Variants in DHX38 observed in about 807,000 individuals in gnomAD.
DHX38 encodes pre-mRNA-splicing factor ATP-dependent RNA helicase PRP16.
A neutral mutation model predicts 153.1 loss-of-function variants in DHX38; 100 were observed. That is an observed-to-expected ratio of 0.65 (90% CI 0.56 to 0.77). The LOEUF is 0.77. DHX38 is among the 30% of genes least tolerant of loss of function. The probability of loss-of-function intolerance (pLI) is 0.00; values close to 1 mark genes in which losing one functional copy is unlikely to be tolerated. For synonymous variants in DHX38, 650 were observed against 631.7 expected (o/e 1.03, Z -0.43); for missense variants, 1,440 against 1,654.0 (o/e 0.87, Z 2.24).
chr16:72,108,075 A>G, intron 21 of DHX38, 152 bp from the exon 22 acceptor site: 1 of 1,000,200 alleles, frequency 1.0e-6, no homozygotes. Flanking sequence ...CTTTTTAAAA[A>G]TTATTTTAAT....
In DHX38 at chr16:72,096,488, C is replaced by T. The variant is rs761003476; in HGVS notation, c.323+8C>T. On this transcript the variant is annotated splice_region_variant and intron_variant, in intron 2 of 26. Transcript: ENST00000268482. Reference sequence around the variant, plus strand: ...AAATATCCGGAAAGACAGGTAAAGGCCTTAGTATGGGTTAGCCCAGAGGGA... The same window carrying T: ...AAATATCCGGAAAGACAGGTAAAGGTCTTAGTATGGGTTAGCCCAGAGGGA... 7 of 1,607,970 alleles carry T rather than the reference C, an allele frequency of 4.4e-6. No homozygotes were observed. Among genetic ancestry groups the T allele is most frequent in the Non-Finnish European group, 5.9e-6 (7 of 1,177,422 alleles).
At chr16:72,105,392 A>G (rs1233126673) in intron 17 of DHX38, 44 bp downstream of exon 17, 1 of 1,607,444 alleles carries the variant, frequency 6.2e-7, no homozygotes, top group African/African-American at 1.3e-5. Context: ...GGAGTTCTCT[A>G]AAGGAAGCGA....
chr16:72,095,169 T>G (rs1220003170), intron 1 of DHX38, among the ~76,000 whole-genome samples: 1 of 152,260 alleles, frequency 6.6e-6, no homozygotes, highest in Non-Finnish European at 1.5e-5. Flanking sequence ...CATCCAGAAC[T>G]GATATATGTT....
intron 26 of DHX38, among the ~76,000 whole-genome samples, chr16:72,111,974 A>C (rs960046043): frequency 6.6e-6 from 1 of 152,182 alleles, no homozygotes; most frequent in African/African-American, 2.4e-5. Context: ...CAAGGGGTTC[A>C]CCAAGAGTCA....
In DHX38 at chr16:72,109,281, G is replaced by GT; in HGVS notation, c.3382-129dup. On this transcript the variant is annotated intron_variant, in intron 24 of 26. Coordinates refer to ENST00000268482, the MANE Select transcript of DHX38 (RefSeq NM_014003.4). ...AGGAGTTTGGATGGGAGTATCTGGG[G>GT]TTTTTCCTTTCCTTTTTTCAGCCTT... The GT allele has an allele frequency of 7.9e-6, 8 of 1,013,138 alleles. No individual in the cohort carries two copies. In the South Asian group the frequency reaches 1.2e-4, roughly 16 times the overall value. 62.8% of individuals were successfully genotyped at this position (1,013,138 alleles called of 1,614,324 possible).
rs972681537 is a variant in DHX38 at position 72,096,938 on chromosome 16, C to T, written c.440C>T (p.Ser147Leu). The T allele has an allele frequency of 6.2e-6, 10 of 1,613,852 alleles. No homozygotes were observed. Among genetic ancestry groups the T allele is most frequent in the South Asian group, 3.3e-5 (3 of 91,072 alleles). Reference sequence around the variant, plus strand: ...CGGCGGGAACATGGTGTCTATGCCTCGTCCAAAGAAGAAAAGGATTGGAAG... The same window carrying T: ...CGGCGGGAACATGGTGTCTATGCCTTGTCCAAAGAAGAAAAGGATTGGAAG... Reference protein sequence around the residue: ...RERREHGVYASSKEEKDWKKE... With the variant: ...RERREHGVYALSKEEKDWKKE... The change falls in exon 3 of 27, where the codon TCG becomes TTG. Residue 147 changes from serine (S) to leucine (L), a missense_variant. Ser to Leu is a moderately radical substitution (Grantham distance 145, BLOSUM62 -2). Around this residue, in one of 6 missense-constraint regions of DHX38, gnomAD observed 483 missense variants for 465.1 expected, o/e 1.04. Transcript: ENST00000268482.
In DHX38 at chr16:72,099,780, C is replaced by A. The variant is rs866573404; in HGVS notation, c.1009C>A (p.His337Asn). 1 of 1,614,190 alleles carries A rather than the reference C, an allele frequency of 6.2e-7. No individual in the cohort carries two copies. The highest frequency in any genetic ancestry group is 8.5e-7 in the Non-Finnish European group (1 of 1,180,024). ...YMMDEGYDEF[H>N]NPLAYSSEDY... The stretch of plus-strand genomic sequence containing the variant: ...GATGGACGAGGGCTATGACGAGTTC[C>A]ACAACCCGCTGGCCTACTCCTCCGA... The change falls in exon 8 of 27, where the codon CAC (histidine) becomes AAC (asparagine). Residue 337 changes from histidine (H) to asparagine (N), a missense_variant. Physicochemically the swap from His to Asn is moderately conservative, Grantham distance 68. This residue lies in a region of DHX38 where 483 missense variants were observed against 465.1 expected (regional missense o/e 1.04). Transcript: ENST00000268482.
In DHX38 at chr16:72,105,229, C is replaced by T. The variant is rs2042158550; in HGVS notation, c.2263-3C>T. On this transcript the variant is annotated splice_region_variant and splice_polypyrimidine_tract_variant and intron_variant, in intron 16 of 26. Transcript: ENST00000268482. ...GTCTCACAGCTCCTCCCTGGGCTCT[C>T]AGGTGACCTCAGACCAGATTGTGGA... 6.2e-7 allele frequency: 1 copy of T among 1,613,972 alleles called. No individual in the cohort carries two copies. Among genetic ancestry groups the T allele is most frequent in the Admixed American group, 1.7e-5 (1 of 59,998 alleles).
At chr16:72,111,228 A>G in intron 26 of DHX38, 151 bp downstream of exon 26, 1 of 1,245,240 alleles carries the variant, frequency 8.0e-7, no homozygotes, top group Non-Finnish European at 1.1e-6. Flanking sequence ...TGGTGGTCAC[A>G]TGGATGTGTG....
intron 26 of DHX38, chr16:72,112,159 C>A: frequency 1.9e-6 from 1 of 524,380 alleles, no homozygotes; most frequent in Non-Finnish European, 3.4e-6. Context: ...GCTTTTGTAG[C>A]TCCCCTAGGG....
At chr16:72,111,628 CA>C (rs1285418134) in intron 26 of DHX38, among the ~76,000 whole-genome samples, 1 of 152,162 alleles carries the variant, frequency 6.6e-6, no homozygotes, top group Admixed American at 6.5e-5. Context: ...TAGAACCAGC[CA>C]AAAGGAGAGA....
intron 10 of DHX38, 127 bp downstream of exon 10, chr16:72,101,320 A>G: frequency 8.4e-7 from 1 of 1,191,092 alleles, no homozygotes; most frequent in East Asian, 2.6e-5. Flanking sequence ...TAGGCCCGAC[A>G]GCTGCGGGGC....
At chr16:72,097,230 TTTA>T in intron 3 of DHX38, 1 of 474,118 alleles carries the variant, frequency 2.1e-6, no homozygotes, top group Non-Finnish European at 3.7e-6. Context: ...TGGTCTTCGT[TTTA>T]TTATGAAAAT....
Position 72,097,789 on chromosome 16 carries a change from C to T in DHX38, c.616+8C>T, listed in dbSNP as rs374944590. ...CACGACATCGACCTAAAGGTAGACTCACTGTTTTGGTGGCTTGTGAGGATT... is the reference window on the plus strand; with the variant it reads ...CACGACATCGACCTAAAGGTAGACTTACTGTTTTGGTGGCTTGTGAGGATT... On this transcript the variant is annotated splice_region_variant and intron_variant, in intron 4 of 26. Coordinates refer to ENST00000268482, the MANE Select transcript of DHX38 (RefSeq NM_014003.4). 370 of 1,611,398 alleles carry T rather than the reference C, an allele frequency of 2.3e-4. No homozygotes were observed. Among genetic ancestry groups the T allele is most frequent in the Non-Finnish European group, 3.0e-4 (359 of 1,178,626 alleles).
chr16:72,103,872 C>T, intron 13 of DHX38, 74 bp from the exon 14 acceptor site: 4 of 1,601,470 alleles, frequency 2.5e-6, no homozygotes, highest in Non-Finnish European at 3.4e-6. Flanking sequence ...TCTGCTAAGA[C>T]TCGGACCCCA....
Position 72,108,850 on chromosome 16 carries a change from C to T in DHX38, c.3306C>T (p.His1102=), listed in dbSNP as rs750915389. 6.8e-6 allele frequency: 11 copies of T among 1,613,970 alleles called. No homozygotes were observed. The East Asian group carries it at 2.4e-4, about 36-fold the overall frequency. Reference sequence around the variant, plus strand: ...GCACAGGGATGCCCTGCCACTTGCACCCCACCAGCTCCCTTTTTGGAATGG... The same window carrying T: ...GCACAGGGATGCCCTGCCACTTGCATCCCACCAGCTCCCTTTTTGGAATGG... The part of the protein sequence containing the change: ...NIRTGMPCHL[H]PTSSLFGMGY... The change falls in exon 24 of 27, where the codon CAC becomes CAT. Residue 1102 remains histidine (H), a synonymous_variant. Transcript: ENST00000268482.
rs763358549 is a variant in DHX38 at position 72,112,686 on chromosome 16, C to G, written c.*189C>G. Reference sequence around the variant, plus strand: ...GGTGGAGTTCTTCCATGCAGGAGCACGGCATGGCGGGAGCGGGGCTGCAGA... The same window carrying G: ...GGTGGAGTTCTTCCATGCAGGAGCAGGGCATGGCGGGAGCGGGGCTGCAGA... On this transcript the variant is annotated 3_prime_UTR_variant, in exon 27 of 27. Coordinates refer to ENST00000268482, the MANE Select transcript of DHX38 (RefSeq NM_014003.4). 2 of 727,294 alleles carry G rather than the reference C, an allele frequency of 2.7e-6. No individual in the cohort carries two copies. The highest frequency in any genetic ancestry group is 1.5e-5 in the South Asian group (1 of 68,094). The allele number at this position is 727,294 out of a possible 1,614,324, so 45.1% of individuals were successfully genotyped here.
rs952648819 is a variant in DHX38 at position 72,103,321 on chromosome 16, G to A, written c.1637+110G>A. The A allele has an allele frequency of 6.3e-6, 9 of 1,436,580 alleles. No homozygotes were observed. The African/African-American group carries it at 8.6e-5, about 14-fold the overall frequency. The allele number at this position is 1,436,580 out of a possible 1,614,324, so 89.0% of individuals were successfully genotyped here. Reference sequence around the variant, plus strand: ...TTGTGCATTGCACCCAGTGGAGAAGGGAAATACTTTTTTCCTCTGACCTCA... The same window carrying A: ...TTGTGCATTGCACCCAGTGGAGAAGAGAAATACTTTTTTCCTCTGACCTCA... On this transcript the variant is annotated intron_variant, in intron 12 of 26. Coordinates refer to ENST00000268482, the MANE Select transcript of DHX38 (RefSeq NM_014003.4).
chr16:72,112,657 AG>A lies in DHX38; in HGVS notation c.*162del. 1.1e-5 allele frequency: 9 copies of A among 797,426 alleles called. No homozygotes were observed. In the South Asian group the frequency reaches 1.1e-4, roughly 10 times the overall value. 49.4% of individuals were successfully genotyped at this position (797,426 alleles called of 1,614,324 possible). A position where few individuals can be genotyped will look rare whatever the true frequency, so the allele number is the denominator to read the frequency against. On this transcript the variant is annotated 3_prime_UTR_variant, in exon 27 of 27. Coordinates refer to ENST00000268482, the MANE Select transcript of DHX38 (RefSeq NM_014003.4). ...CCTGCTGGACCAGACTCTCTGGCAG[AG>A]GAGGTGGAGTTCTTCCATGCAGGAG...
Sources: allele counts gnomAD v4.1 joint callset (sites outside exome capture counted in the v4.1 genomes callset), GRCh38; gene constraint gnomAD v4.1.1; regional missense constraint gnomAD v4.1.1; transcripts MANE v1.5; gene names NCBI Gene and HGNC (gene_info 2026-07-23, HGNC 2026-07-21).